Variants in SMYD3 observed in about 807,000 individuals in gnomAD.
The protein encoded by SMYD3 is SET and MYND domain containing 3.
Under a neutral mutation model 57.7 loss-of-function variants are expected in SMYD3, and 36 were observed. That is an observed-to-expected ratio of 0.62 (90% CI 0.48 to 0.82). The LOEUF (loss-of-function observed/expected upper bound fraction) is 0.82, where lower values mean the gene tolerates loss of function less well. SMYD3 is among the 40% of genes least tolerant of loss of function. SMYD3 has a pLI of 0.00. For synonymous variants in SMYD3, 211 were observed against 195.0 expected, an observed-to-expected ratio of 1.08 and a Z score of -0.68; for missense variants, 515 against 538.8, an observed-to-expected ratio of 0.96 and a Z score of 0.44.
chr1:245,963,357 G>A (rs2058059004), intron 5 of SMYD3, among the ~76,000 whole-genome samples: 1 of 152,160 alleles, frequency 6.6e-6, no homozygotes, highest in Admixed American at 6.5e-5. Context: ...GAGAGACAGA[G>A]GGGCGCATAC....
chr1:245,893,620 T>G (rs915363940), intron 8 of SMYD3, among the ~76,000 whole-genome samples: 1 of 152,162 alleles, frequency 6.6e-6, no homozygotes, highest in Non-Finnish European at 1.5e-5. Context: ...TTAATGTATA[T>G]GATATTGTGG....
At chr1:246,493,840 T>C (rs948684984) in intron 1 of SMYD3, among the ~76,000 whole-genome samples, 2 of 125,674 alleles carry the variant, frequency 1.6e-5, no homozygotes, top group African/African-American at 5.1e-5. Context: ...AGAGCAGTAC[T>C]GTCACCACTA....
At chr1:246,491,633 C>A (rs2068274110) in intron 1 of SMYD3, among the ~76,000 whole-genome samples, 1 of 151,824 alleles carries the variant, frequency 6.6e-6, no homozygotes, top group Non-Finnish European at 1.5e-5. Context: ...CTTCATAGAA[C>A]AGATTGCAGT....
intron 5 of SMYD3, among the ~76,000 whole-genome samples, chr1:246,034,851 T>C (rs1293677602): frequency 6.6e-6 from 1 of 152,164 alleles, no homozygotes; most frequent in African/African-American, 2.4e-5. Context: ...CCCAGAGTTC[T>C]CCATCCCCTG....
intron 10 of SMYD3, among the ~76,000 whole-genome samples, chr1:245,844,437 G>C (rs10754478): frequency 1 from 151,606 of 152,340 alleles, 75,441 homozygotes; most frequent in Middle Eastern, 1. Flanking sequence ...TTGTATGAAC[G>C]AAGAAATCCA....
intron 1 of SMYD3, among the ~76,000 whole-genome samples, chr1:246,493,282 T>C (rs562106393): frequency 1.3e-5 from 2 of 152,046 alleles, no homozygotes; most frequent in Non-Finnish European, 2.9e-5. Flanking sequence ...CTGGACAACA[T>C]AGTGAGACCT....
intron 8 of SMYD3, among the ~76,000 whole-genome samples, chr1:245,906,867 C>T (rs190030040): frequency 6.6e-6 from 1 of 152,254 alleles, no homozygotes; most frequent in East Asian, 1.9e-4. Context: ...AAGGTTATTC[C>T]ATTAAGTGAA....
At chr1:245,838,141 T>C (rs1292417409) in intron 10 of SMYD3, among the ~76,000 whole-genome samples, 1 of 152,264 alleles carries the variant, frequency 6.6e-6, no homozygotes, top group Admixed American at 6.5e-5. Flanking sequence ...GTATTTCTTT[T>C]GTTCAAAGAA....
intron 5 of SMYD3, among the ~76,000 whole-genome samples, chr1:246,061,783 A>G (rs1025660468): frequency 4.6e-5 from 7 of 152,152 alleles, no homozygotes. Context: ...ACCCAGAAAC[A>G]GTGATGTGAA....
chr1:245,790,474 G>A (rs1399610798), intron 10 of SMYD3, among the ~76,000 whole-genome samples: 2 of 152,210 alleles, frequency 1.3e-5, no homozygotes, highest in Admixed American at 6.5e-5. Flanking sequence ...GGTCGGCAAA[G>A]CTTTTCGAGG....
At chr1:246,225,341 A>AC in intron 5 of SMYD3, among the ~76,000 whole-genome samples, 1 of 141,910 alleles carries the variant, frequency 7.0e-6, no homozygotes, top group Non-Finnish European at 1.5e-5. Context: ...AAAAAAAAAA[A>AC]AAAAAAAAAA....
chr1:245,914,396 A>G (rs974078704), intron 8 of SMYD3, among the ~76,000 whole-genome samples: 7 of 152,230 alleles, frequency 4.6e-5, no homozygotes, highest in Admixed American at 6.5e-5. Flanking sequence ...GGAAAAATGG[A>G]TAAAGAAAAT....
intron 8 of SMYD3, among the ~76,000 whole-genome samples, chr1:245,891,875 T>G (rs1322523427): frequency 1.3e-5 from 2 of 152,112 alleles, no homozygotes; most frequent in Admixed American, 6.5e-5. Context: ...AGACTCCATC[T>G]CTACAAAAAT....
intron 5 of SMYD3, among the ~76,000 whole-genome samples, chr1:246,095,093 A>T (rs1376784782): frequency 6.6e-6 from 1 of 152,152 alleles, no homozygotes; most frequent in Non-Finnish European, 1.5e-5. Flanking sequence ...CTGGGCTTCC[A>T]AAGCCCCGTG....
At chr1:246,419,440 G>A (rs533597070) in intron 1 of SMYD3, among the ~76,000 whole-genome samples, 1 of 152,308 alleles carries the variant, frequency 6.6e-6, no homozygotes, top group African/African-American at 2.4e-5. Flanking sequence ...TTCTGTCTGT[G>A]CCTTGCTAGG....
chr1:246,492,157 T>TA (rs2068282957), intron 1 of SMYD3, among the ~76,000 whole-genome samples: 1 of 152,212 alleles, frequency 6.6e-6, no homozygotes, highest in South Asian at 2.1e-4. Flanking sequence ...CTATAATATT[T>TA]AAAATCTATA....
chr1:245,762,929 G>C (rs2791378), intron 11 of SMYD3, among the ~76,000 whole-genome samples: 1 of 151,822 alleles, frequency 6.6e-6, no homozygotes, highest in Non-Finnish European at 1.5e-5. Context: ...TATGATACCC[G>C]CACGCCAGGT....
rs527722611 is a variant in SMYD3 at position 246,309,655 on chromosome 1, CT to C, written c.531+17545del. 1.1e-4 allele frequency among the ~76,000 whole-genome samples: 16 copies of C among 152,262 alleles called. No homozygotes were observed. In the South Asian group the frequency reaches 3.3e-3, roughly 32 times the overall value. On this transcript the variant is annotated intron_variant, in intron 5 of 11. Transcript: ENST00000490107. ...GGGATAGGTATTTATCAATGAAATGCTCCCAAGGACACTAATGAGGTTTTAG... is the reference window on the plus strand; with the variant it reads ...GGGATAGGTATTTATCAATGAAATGCCCCAAGGACACTAATGAGGTTTTAG...
chr1:246,142,567 C>T (rs983094934), intron 5 of SMYD3, among the ~76,000 whole-genome samples: 2 of 152,108 alleles, frequency 1.3e-5, no homozygotes, highest in African/African-American at 4.8e-5. Context: ...ATGGGTAGGT[C>T]GTGTATACGC....
Sources: allele counts gnomAD v4.1 joint callset (sites outside exome capture counted in the v4.1 genomes callset), GRCh38; gene constraint gnomAD v4.1.1; transcripts MANE v1.5; gene names NCBI Gene and HGNC (gene_info 2026-07-23, HGNC 2026-07-21).